Variants in ITGA9 observed in about 807,000 individuals in gnomAD.
The protein encoded by ITGA9 is integrin alpha-9.
In ITGA9, 56 loss-of-function variants were observed where a neutral mutation model predicts 127.8. That is an observed-to-expected ratio of 0.44 (90% CI 0.35 to 0.55). ITGA9 has a LOEUF of 0.55. ITGA9 is among the 20% of genes least tolerant of loss of function. The pLI, the probability that ITGA9 is intolerant of heterozygous loss-of-function variation, is 0.00. For missense variants in ITGA9, 1,196 were observed against 1,347.1 expected, an observed-to-expected ratio of 0.89 and a Z score of 1.76; for synonymous variants, 508 against 514.5, an observed-to-expected ratio of 0.99 and a Z score of 0.17.
chr3:37,655,236 T>C (rs1056820475), intron 17 of ITGA9, among the ~76,000 whole-genome samples: 2 of 152,212 alleles, frequency 1.3e-5, no homozygotes, highest in Non-Finnish European at 2.9e-5. Context: ...GGTCAAATGG[T>C]ATTTCTGGTT....
At chr3:37,657,844 T>G (rs1266329432) in intron 17 of ITGA9, among the ~76,000 whole-genome samples, 1 of 152,140 alleles carries the variant, frequency 6.6e-6, no homozygotes, top group African/African-American at 2.4e-5. Context: ...CTATAAATTT[T>G]CCTCTAAACA....
intron 15 of ITGA9, among the ~76,000 whole-genome samples, chr3:37,621,866 C>A (rs912779415): frequency 1.5e-4 from 23 of 152,248 alleles, no homozygotes; most frequent in African/African-American, 5.5e-4. Flanking sequence ...GAGAAATTTT[C>A]AGAAACAAGG....
intron 23 of ITGA9, among the ~76,000 whole-genome samples, chr3:37,762,319 T>A (rs1696732210): frequency 6.6e-6 from 1 of 152,214 alleles, no homozygotes; most frequent in African/African-American, 2.4e-5. Flanking sequence ...GGCTTCAGAA[T>A]GAAGACCCAA....
rs6778164 is a variant in ITGA9 at position 37,710,445 on chromosome 3, G to A, written c.2068-22267G>A. Among the ~76,000 whole-genome samples the A allele has an allele frequency of 2.2e-3, 336 of 152,096 alleles. 2 individuals carry two copies. Among genetic ancestry groups the A allele is most frequent in the African/African-American group, 7.8e-3 (322 of 41,466 alleles). On this transcript the variant is annotated intron_variant, in intron 18 of 27. Coordinates refer to ENST00000264741, the MANE Select transcript of ITGA9 (RefSeq NM_002207.3). ...ATAGAGAACAATAAAAGATAACGTC[G>A]GAGGATGAACCCACGAGCGTGGTTT...
At chr3:37,680,324 T>A (rs988373123) in intron 17 of ITGA9, among the ~76,000 whole-genome samples, 3 of 152,194 alleles carry the variant, frequency 2.0e-5, no homozygotes, top group African/African-American at 7.2e-5. Context: ...AGTCAAAGAC[T>A]TTTTTAGCTT....
At chr3:37,653,629 C>A in intron 16 of ITGA9, 85 bp from the exon 17 acceptor site, 1 of 1,011,060 alleles carries the variant, frequency 9.9e-7, no homozygotes. Flanking sequence ...GGAATTCCCA[C>A]TGATTTGCAA....
At chr3:37,689,550 G>C (rs1481380709) in intron 18 of ITGA9, among the ~76,000 whole-genome samples, 1 of 152,216 alleles carries the variant, frequency 6.6e-6, no homozygotes, top group African/African-American at 2.4e-5. Flanking sequence ...ACAATTCCTG[G>C]GGTGCCCTGT....
At chr3:37,682,261 G>A (rs1224433518) in intron 17 of ITGA9, among the ~76,000 whole-genome samples, 1 of 152,114 alleles carries the variant, frequency 6.6e-6, no homozygotes, top group Non-Finnish European at 1.5e-5. Context: ...CTCCAGTTAG[G>A]CTTTCCTCCC....
intron 5 of ITGA9, among the ~76,000 whole-genome samples, chr3:37,497,746 C>G (rs1698745989): frequency 6.6e-6 from 1 of 152,188 alleles, no homozygotes; most frequent in Admixed American, 6.5e-5. Flanking sequence ...ACAACTATGG[C>G]TGTTGTTCCT....
At chr3:37,556,363 C>T (rs1303535505) in intron 15 of ITGA9, among the ~76,000 whole-genome samples, 5 of 152,142 alleles carry the variant, frequency 3.3e-5, no homozygotes, top group African/African-American at 9.7e-5. Context: ...GGTCAAGACT[C>T]GTTTCATAGT....
chr3:37,537,875 C>T (rs146209926), intron 14 of ITGA9, among the ~76,000 whole-genome samples: 100 of 152,324 alleles, frequency 6.6e-4, no homozygotes, highest in African/African-American at 2.3e-3. Context: ...CTTCCTGTCC[C>T]TAATAGTATT....
intron 15 of ITGA9, among the ~76,000 whole-genome samples, chr3:37,608,833 T>C (rs1240357920): frequency 2.6e-5 from 4 of 152,194 alleles, no homozygotes; most frequent in African/African-American, 9.7e-5. Flanking sequence ...AGGTAGTCCT[T>C]GAAGTGGAGG....
At chr3:37,636,749 G>A (rs2125638880) in intron 16 of ITGA9, among the ~76,000 whole-genome samples, 1 of 152,012 alleles carries the variant, frequency 6.6e-6, no homozygotes, top group African/African-American at 2.4e-5. Context: ...TTTCTTCTAG[G>A]GTTTTTATGG....
chr3:37,517,743 A>G (rs1699001139), intron 10 of ITGA9, 134 bp downstream of exon 10: 3 of 724,058 alleles, frequency 4.1e-6, no homozygotes, highest in Non-Finnish European at 4.9e-6. Flanking sequence ...TCGAAGGCCC[A>G]TCAATGTGCT....
intron 23 of ITGA9, among the ~76,000 whole-genome samples, chr3:37,764,932 CTCTA>C (rs1696763104): frequency 6.6e-6 from 1 of 152,220 alleles, no homozygotes; most frequent in Non-Finnish European, 1.5e-5. Context: ...CCCCATTACT[CTCTA>C]TCTCATTTGT....
At chr3:37,765,811 C>T (rs1696773379) in intron 23 of ITGA9, among the ~76,000 whole-genome samples, 1 of 152,216 alleles carries the variant, frequency 6.6e-6, no homozygotes, top group South Asian at 2.1e-4. Context: ...ATAAATCAAG[C>T]CAGCAGTGCT....
At chr3:37,483,876 G>A (rs1698581901) in intron 4 of ITGA9, among the ~76,000 whole-genome samples, 3 of 152,226 alleles carry the variant, frequency 2.0e-5, no homozygotes, top group Admixed American at 6.5e-5. Flanking sequence ...ACAATAAATG[G>A]TGGAGCAGGA....
chr3:37,635,466 T>C (rs902845245), intron 16 of ITGA9, among the ~76,000 whole-genome samples: 5 of 152,198 alleles, frequency 3.3e-5, no homozygotes, highest in Admixed American at 6.5e-5. Flanking sequence ...TGGCTTAAAA[T>C]TGCAGAGGTC....
At chr3:37,620,229 TGGA>T (rs1342638692) in intron 15 of ITGA9, among the ~76,000 whole-genome samples, 1 of 152,218 alleles carries the variant, frequency 6.6e-6, no homozygotes, top group Admixed American at 6.5e-5. Context: ...CAGGCTTCGC[TGGA>T]GGAGATGGCT....
Sources: gnomAD v4.1 joint callset for allele counts (sites outside exome capture counted in the v4.1 genomes callset) on GRCh38, gnomAD v4.1.1 for gene constraint, MANE v1.5 for transcripts, NCBI Gene and HGNC (gene_info 2026-07-23, HGNC 2026-07-21) for gene names.